Variants in AJAP1 observed in about 807,000 individuals in gnomAD.
AJAP1 encodes the protein adherens junctions associated protein 1.
AJAP1 carries 5 observed loss-of-function variants against 35.0 expected under a neutral mutation model. That is an observed-to-expected ratio of 0.14 (90% CI 0.07 to 0.30). The LOEUF (loss-of-function observed/expected upper bound fraction) is 0.30, where lower values mean the gene tolerates loss of function less well. Among genes scored for constraint, AJAP1 ranks in the 10% least tolerant of loss-of-function variants. The probability of loss-of-function intolerance (pLI) is 1.00; values close to 1 mark genes in which losing one functional copy is unlikely to be tolerated. For synonymous variants in AJAP1, 284 were observed against 249.3 expected, an observed-to-expected ratio of 1.14 and a Z score of -1.31; for missense variants, 586 against 571.0, an observed-to-expected ratio of 1.03 and a Z score of -0.27.
chr1:4,738,626 C>CG (rs929060218), intron 2 of AJAP1, among the ~76,000 whole-genome samples: 31 of 152,050 alleles, frequency 2.0e-4, no homozygotes, highest in African/African-American at 7.2e-4. Flanking sequence ...GGCAGCACCG[C>CG]GGGGGTGTGC....
At chr1:4,725,234 T>G (rs1640623879) in intron 2 of AJAP1, among the ~76,000 whole-genome samples, 1 of 152,014 alleles carries the variant, frequency 6.6e-6, no homozygotes, top group Non-Finnish European at 1.5e-5. Flanking sequence ...GGAAAGAAGG[T>G]TTCAAGTTCC....
intron 2 of AJAP1, 41 bp downstream of exon 2, chr1:4,712,740 G>A: frequency 6.7e-7 from 1 of 1,489,430 alleles, no homozygotes; most frequent in Non-Finnish European, 9.0e-7. Flanking sequence ...GCTTGGGGTT[G>A]AGGGCTGGGA....
At chr1:4,752,788 C>T (rs374236604) in intron 2 of AJAP1, among the ~76,000 whole-genome samples, 2 of 152,196 alleles carry the variant, frequency 1.3e-5, no homozygotes, top group Non-Finnish European at 2.9e-5. Flanking sequence ...GAAGAGTTTG[C>T]TTCTTGAAAG....
At chr1:4,659,231 G>T (rs938105225) in intron 1 of AJAP1, among the ~76,000 whole-genome samples, 1 of 152,200 alleles carries the variant, frequency 6.6e-6, no homozygotes, top group Non-Finnish European at 1.5e-5. Context: ...TCTTCAAAGG[G>T]TTACAAGTCA....
At chr1:4,703,693 C>T (rs962892837) in intron 1 of AJAP1, among the ~76,000 whole-genome samples, 1 of 152,178 alleles carries the variant, frequency 6.6e-6, no homozygotes, top group Non-Finnish European at 1.5e-5. Context: ...AAGTTTTATC[C>T]TATCCAAAGA....
intron 2 of AJAP1, among the ~76,000 whole-genome samples, chr1:4,738,625 G>T (rs910144694): frequency 1.3e-5 from 2 of 152,176 alleles, no homozygotes; most frequent in South Asian, 2.1e-4. Context: ...TGGCAGCACC[G>T]CGGGGGTGTG....
At chr1:4,663,209 G>C (rs1303337052) in intron 1 of AJAP1, among the ~76,000 whole-genome samples, 1 of 152,156 alleles carries the variant, frequency 6.6e-6, no homozygotes, top group Non-Finnish European at 1.5e-5. Flanking sequence ...AAATGCCTGA[G>C]CTCAAGCGAT....
rs1208050672 is a variant in AJAP1, at chr1:4,734,673, C to T, written c.829+21974C>T. Among the ~76,000 whole-genome samples, 1 of 152,126 alleles carries T rather than the reference C, an allele frequency of 6.6e-6. No homozygotes were observed. The highest frequency in any genetic ancestry group is 1.5e-5 in the Non-Finnish European group (1 of 68,026). On this transcript the variant is annotated intron_variant, in intron 2 of 5. Coordinates refer to ENST00000378191, the MANE Select transcript of AJAP1 (RefSeq NM_018836.4). This position sits in a 1 kb window ranked among gnomAD's most constrained non-coding sequence, Gnocchi z 4.3. ...GGAGCTCGGACTGCACTGGATGGGGCTGGAGTGGCACCTGTGGGCGATGCT... is the reference window on the plus strand; with the variant it reads ...GGAGCTCGGACTGCACTGGATGGGGTTGGAGTGGCACCTGTGGGCGATGCT...
intron 2 of AJAP1, among the ~76,000 whole-genome samples, chr1:4,760,139 G>C (rs886134489): frequency 6.6e-6 from 1 of 152,282 alleles, no homozygotes; most frequent in Non-Finnish European, 1.5e-5. Flanking sequence ...AGTGGCTTCT[G>C]TTCTTACACA....
chr1:4,658,430 G>T (rs756711100), intron 1 of AJAP1, among the ~76,000 whole-genome samples: 39 of 152,356 alleles, frequency 2.6e-4, no homozygotes, highest in Non-Finnish European at 5.1e-4. Flanking sequence ...TCCCCAGGCA[G>T]CTGGGGCTGT....
At chr1:4,705,291 A>C (rs1640076291) in intron 1 of AJAP1, among the ~76,000 whole-genome samples, 1 of 151,936 alleles carries the variant, frequency 6.6e-6, no homozygotes, top group African/African-American at 2.4e-5. Flanking sequence ...ACCCTATAAG[A>C]AAACCTAGGC....
At chr1:4,703,493 C>T (rs1640033975) in intron 1 of AJAP1, among the ~76,000 whole-genome samples, 1 of 152,156 alleles carries the variant, frequency 6.6e-6, no homozygotes, top group African/African-American at 2.4e-5. Flanking sequence ...GAGACACTTT[C>T]CCTTTCTCTC....
intron 1 of AJAP1, among the ~76,000 whole-genome samples, chr1:4,669,659 T>C (rs903429660): frequency 3.3e-5 from 5 of 152,204 alleles, no homozygotes; most frequent in Admixed American, 3.3e-4. Context: ...CCAAACCACA[T>C]CATACAATAT....
chr1:4,726,525 C>T (rs927122883), intron 2 of AJAP1, among the ~76,000 whole-genome samples: 4 of 152,018 alleles, frequency 2.6e-5, no homozygotes, highest in Admixed American at 6.6e-5. Flanking sequence ...AGAGGAGATC[C>T]GGTTGTGGGG....
chr1:4,748,795 C>T (rs1270068992), intron 2 of AJAP1, among the ~76,000 whole-genome samples: 1 of 143,734 alleles, frequency 7.0e-6, no homozygotes. Flanking sequence ...AGGGCTCTTA[C>T]AAAAGAGGAT....
intron 1 of AJAP1, among the ~76,000 whole-genome samples, chr1:4,681,397 G>A (rs146849679): frequency 0.011 from 1,620 of 152,314 alleles, 26 homozygotes; most frequent in African/African-American, 0.037. Context: ...TGAGGCAGGG[G>A]CTGCCAGCCA....
chr1:4,723,388 G>T lies in AJAP1; in HGVS notation c.829+10689G>T, dbSNP rs562291210. On this transcript the variant is annotated intron_variant, in intron 2 of 5. Transcript: ENST00000378191. The surrounding 1 kb of genome is among the most constrained non-coding windows in gnomAD (Gnocchi z 4.3). ...CAGCGGAGCCTCGGGTGTGTGGAAG[G>T]TCTGGAAGGCCATGGAGACAGTGGG... Among the ~76,000 whole-genome samples the T allele has an allele frequency of 6.6e-6, 1 of 152,180 alleles. No homozygotes were observed. The highest frequency in any genetic ancestry group is 1.5e-5 in the Non-Finnish European group (1 of 68,046).
chr1:4,731,007 A>G (rs1008594861), intron 2 of AJAP1, among the ~76,000 whole-genome samples: 4 of 152,176 alleles, frequency 2.6e-5, no homozygotes, highest in African/African-American at 9.6e-5. Flanking sequence ...AAATGTTTTC[A>G]CCATAAGAAC....
At chr1:4,714,762 G>A (rs1302778591) in intron 2 of AJAP1, among the ~76,000 whole-genome samples, 2 of 152,184 alleles carry the variant, frequency 1.3e-5, no homozygotes, top group Non-Finnish European at 2.9e-5. Flanking sequence ...CACAGGGAAG[G>A]GAACAGGTGG....
Sources: allele counts gnomAD v4.1 joint callset (sites outside exome capture counted in the v4.1 genomes callset), GRCh38; gene constraint gnomAD v4.1.1; non-coding constraint Gnocchi (gnomAD v3.1); transcripts MANE v1.5; gene names NCBI Gene and HGNC (gene_info 2026-07-23, HGNC 2026-07-21).